The following EFCAB8 variants were observed in gnomAD, a reference collection of about 807,000 sequenced individuals.
EFCAB8 encodes the protein EF-hand calcium-binding domain-containing protein 8.
In EFCAB8, 100 loss-of-function variants were observed where a neutral mutation model predicts 116.3. That is an observed-to-expected ratio of 0.86 (90% CI 0.73 to 1.02). EFCAB8 has a LOEUF of 1.02. Ranked by LOEUF, EFCAB8 falls within the 50% of genes least tolerant of loss-of-function variation. EFCAB8 has a pLI of 0.00. For missense variants in EFCAB8, 1,320 were observed against 1,416.9 expected (o/e 0.93, Z 1.10); for synonymous variants, 558 against 567.9 (o/e 0.98, Z 0.25).
chr20:32,872,478 A>G (rs1383891936), intron 3 of EFCAB8, among the ~76,000 whole-genome samples: 1 of 152,102 alleles, frequency 6.6e-6, no homozygotes, highest in Non-Finnish European at 1.5e-5. Context: ...AGTGGGAGAT[A>G]GAAGACAGAC....
chr20:32,866,870 TTTCCTTCC>T (rs1168122381), intron 2 of EFCAB8, among the ~76,000 whole-genome samples: 1 of 147,280 alleles, frequency 6.8e-6, no homozygotes, highest in Non-Finnish European at 1.5e-5. Flanking sequence ...TCTTTCTTTC[TTTCCTTCC>T]TTCCTTCCTT....
chr20:32,918,275 C>A, intron 18 of EFCAB8, 87 bp from the exon 19 acceptor site: 1 of 1,345,144 alleles, frequency 7.4e-7, no homozygotes, highest in Non-Finnish European at 1.0e-6. Context: ...CTGGAGGGCC[C>A]TGTGGTGTTG....
At chr20:32,867,493 A>G (rs1335473968) in intron 2 of EFCAB8, 89 bp from the exon 3 acceptor site, 3 of 1,397,946 alleles carry the variant, frequency 2.1e-6, no homozygotes, top group Non-Finnish European at 2.9e-6. Flanking sequence ...GTTCTTTCTC[A>G]AAGAGTCTCT....
At chr20:32,877,873 A>T (rs919548182) in intron 4 of EFCAB8, among the ~76,000 whole-genome samples, 1 of 152,120 alleles carries the variant, frequency 6.6e-6, no homozygotes, top group African/African-American at 2.4e-5. Flanking sequence ...GGGTGATGCC[A>T]GTTGTGGGGG....
chr20:32,895,969 A>G (rs937890698), intron 9 of EFCAB8, among the ~76,000 whole-genome samples: 14 of 152,142 alleles, frequency 9.2e-5, no homozygotes, highest in Non-Finnish European at 2.1e-4. Flanking sequence ...TGGCCCAGAC[A>G]TGCTTATTTT....
chr20:32,933,083 A>C (rs979433891), intron 22 of EFCAB8, among the ~76,000 whole-genome samples: 5 of 152,190 alleles, frequency 3.3e-5, no homozygotes, highest in South Asian at 2.1e-4. Context: ...ATTAATCTCC[A>C]TAATGACTTG....
intron 18 of EFCAB8, among the ~76,000 whole-genome samples, chr20:32,918,065 C>T (rs147677028): frequency 6.4e-4 from 98 of 152,350 alleles, no homozygotes; most frequent in African/African-American, 2.0e-3. Context: ...TGCTTTGGAG[C>T]TTCCATTGAG....
At chr20:32,864,752 G>A (rs1984302259) in intron 2 of EFCAB8, among the ~76,000 whole-genome samples, 1 of 152,204 alleles carries the variant, frequency 6.6e-6, no homozygotes, top group African/African-American at 2.4e-5. Context: ...TCAATTGTCT[G>A]TTATGTGCTT....
intron 23 of EFCAB8, among the ~76,000 whole-genome samples, chr20:32,944,651 C>A (rs1278038903): frequency 6.6e-6 from 1 of 152,114 alleles, no homozygotes; most frequent in African/African-American, 2.4e-5. Context: ...AAAGGCAGGT[C>A]TAATGGTGAT....
chr20:32,859,293 C>G (rs1983979905), intron 1 of EFCAB8, among the ~76,000 whole-genome samples: 1 of 152,194 alleles, frequency 6.6e-6, no homozygotes, highest in Admixed American at 6.5e-5. Flanking sequence ...CCGGACAGGT[C>G]AACTTTAGGG....
chr20:32,906,529 G>C, intron 11 of EFCAB8, 33 bp from the exon 12 acceptor site: 1 of 718,210 alleles, frequency 1.4e-6, no homozygotes, highest in Non-Finnish European at 2.6e-6. Context: ...CACTGCTCCC[G>C]GCCCTGCAGC....
intron 20 of EFCAB8, among the ~76,000 whole-genome samples, chr20:32,926,823 C>T (rs1397289564): frequency 6.8e-6 from 1 of 146,690 alleles, no homozygotes; most frequent in Non-Finnish European, 1.5e-5. Context: ...ATCCATGTCC[C>T]TACAAAGGAC....
intron 22 of EFCAB8, among the ~76,000 whole-genome samples, chr20:32,933,152 G>T (rs1357734023): frequency 6.6e-6 from 1 of 152,136 alleles, no homozygotes; most frequent in Non-Finnish European, 1.5e-5. Flanking sequence ...TGAGAGACTC[G>T]TCTAAGCTCC....
At chr20:32,916,247 G>A (rs1388148745) in intron 17 of EFCAB8, among the ~76,000 whole-genome samples, 1 of 152,006 alleles carries the variant, frequency 6.6e-6, no homozygotes, top group East Asian at 1.9e-4. Flanking sequence ...ATCTCTCTGG[G>A]CCTCTTATTT....
chr20:32,878,866 G>A, intron 5 of EFCAB8, 59 bp downstream of exon 5: 4 of 1,417,850 alleles, frequency 2.8e-6, no homozygotes, highest in Non-Finnish European at 3.9e-6. Flanking sequence ...GCTGGTGCCA[G>A]CCTGCAGTGA....
intron 3 of EFCAB8, among the ~76,000 whole-genome samples, chr20:32,875,263 G>A (rs184946810): frequency 1.1e-3 from 165 of 152,266 alleles, no homozygotes; most frequent in Non-Finnish European, 1.2e-3. Context: ...GAGGACAGAA[G>A]CGTCCGGAAT....
intron 5 of EFCAB8, among the ~76,000 whole-genome samples, chr20:32,882,500 T>G (rs1412024695): frequency 6.6e-6 from 1 of 152,144 alleles, no homozygotes; most frequent in African/African-American, 2.4e-5. Context: ...AGTAAACCAT[T>G]TCCATTTTAT....
chr20:32,877,100 G>T (rs549972441), intron 4 of EFCAB8, among the ~76,000 whole-genome samples: 1 of 152,072 alleles, frequency 6.6e-6, no homozygotes, highest in Non-Finnish European at 1.5e-5. Context: ...ACCAGGGAGG[G>T]TGCCTTGAGA....
chr20:32,929,456 C>G (rs1338576368), intron 20 of EFCAB8, among the ~76,000 whole-genome samples: 1 of 145,750 alleles, frequency 6.9e-6, no homozygotes, highest in East Asian at 2.0e-4. Context: ...CTTTTTTCTC[C>G]CTTCCCTCCC....
Sources: allele counts gnomAD v4.1 joint callset (sites outside exome capture counted in the v4.1 genomes callset), GRCh38; gene constraint gnomAD v4.1.1; transcripts MANE v1.5; gene names NCBI Gene and HGNC (gene_info 2026-07-23, HGNC 2026-07-21).